ANKRD7: variants seen among roughly 807,000 people sequenced by gnomAD.
ANKRD7 encodes the protein ankyrin repeat domain-containing protein 7.
In ANKRD7, 30 loss-of-function variants were observed where a neutral mutation model predicts 30.8. That is an observed-to-expected ratio of 0.97 (90% CI 0.73 to 1.32). The LOEUF (loss-of-function observed/expected upper bound fraction) is 1.32, where lower values mean the gene tolerates loss of function less well. Among genes scored for constraint, ANKRD7 ranks in the 40% most tolerant of loss-of-function variants. The pLI, the probability that ANKRD7 is intolerant of heterozygous loss-of-function variation, is 0.00. For synonymous variants in ANKRD7, 97 were observed against 106.6 expected, an observed-to-expected ratio of 0.91 and a Z score of 0.55; for missense variants, 264 against 295.7, an observed-to-expected ratio of 0.89 and a Z score of 0.79.
intron 6 of ANKRD7, among the ~76,000 whole-genome samples, chr7:118,240,640 C>T (rs1248360646): frequency 6.6e-6 from 1 of 151,670 alleles, no homozygotes; most frequent in African/African-American, 2.4e-5. Context: ...TCATGTCTAG[C>T]TATAAAAAAC....
rs187708871 is a variant in ANKRD7 at position 118,230,553 on chromosome 7, T to G, written c.180-3878T>G. ...ATTGACTAGTCAAAATTCATAAAGTTGTACACTTTAATTTTATTATAAATT... is the reference window on the plus strand; with the variant it reads ...ATTGACTAGTCAAAATTCATAAAGTGGTACACTTTAATTTTATTATAAATT... On this transcript the variant is annotated intron_variant, in intron 1 of 6. Transcript: ENST00000265224. Among the ~76,000 whole-genome samples the G allele has an allele frequency of 4.8e-3, 736 of 152,156 alleles. 2 individuals are homozygous for G. Among genetic ancestry groups the G allele is most frequent in the Non-Finnish European group, 7.4e-3 (503 of 67,950 alleles).
intron 6 of ANKRD7, among the ~76,000 whole-genome samples, chr7:118,240,989 CTAAAAATACAAAAAATTAGCCGGGCG>C (rs1809825587): frequency 6.7e-6 from 1 of 149,786 alleles, no homozygotes; most frequent in Non-Finnish European, 1.5e-5. Flanking sequence ...CCCGTCTCTA[CTAAAAATACAAAAAATTAGCCGGGCG>C]CGGTGGCGGG....
intron 6 of ANKRD7, among the ~76,000 whole-genome samples, chr7:118,241,351 A>G (rs959173392): frequency 2.0e-5 from 3 of 151,450 alleles, no homozygotes; most frequent in Non-Finnish European, 2.9e-5. Context: ...GGAAGAAAAT[A>G]AAAAGGACAT....
chr7:118,231,929 G>A (rs1809646885), intron 1 of ANKRD7, among the ~76,000 whole-genome samples: 2 of 152,012 alleles, frequency 1.3e-5, no homozygotes, highest in Admixed American at 1.3e-4. Context: ...GAGTTAAGAA[G>A]TAACAATATA....
intron 1 of ANKRD7, among the ~76,000 whole-genome samples, chr7:118,233,459 T>C (rs973140411): frequency 6.6e-6 from 1 of 152,238 alleles, no homozygotes; most frequent in African/African-American, 2.4e-5. Flanking sequence ...TTTTGAACTG[T>C]TTTTATATTT....
chr7:118,229,197 A>G (rs550787479), intron 1 of ANKRD7, among the ~76,000 whole-genome samples: 3 of 151,840 alleles, frequency 2.0e-5, no homozygotes, highest in Non-Finnish European at 4.4e-5. Flanking sequence ...TCAGATAGTC[A>G]TATGACTTGC....
At position 118,234,836 on chromosome 7, in the gene ANKRD7, C is replaced by G; in HGVS notation, c.430C>G (p.Leu144Val). ...CGQSLSLVEKLLEYEADLEAK... is the reference protein window; with the variant it reads ...CGQSLSLVEKVLEYEADLEAK... ...TCAAAGTTTGTCATTAGTTGAAAAA[C>G]TGCTTGAATACGAAGCTGATCTTGA... Residue 144 changes from leucine (L) to valine (V), a missense_variant, in exon 3 of 7, where the codon CTG becomes GTG. Leu to Val is a conservative substitution (Grantham distance 32). Transcript: ENST00000265224. 6.2e-7 allele frequency: 1 copy of G among 1,610,506 alleles called. No individual in the cohort carries two copies. Among genetic ancestry groups the G allele is most frequent in the Non-Finnish European group, 8.5e-7 (1 of 1,179,178 alleles).
Position 118,236,080 on chromosome 7 carries a change from A to C in ANKRD7, c.508A>C (p.Asn170His), listed in dbSNP as rs1238783380. The C allele has an allele frequency of 1.2e-6, 2 of 1,607,308 alleles. No homozygotes were observed. The highest frequency in any genetic ancestry group is 1.7e-6 in the Non-Finnish European group (2 of 1,174,756). ...ACTATTAGTTGCCGTTATTAACAAT[A>C]ATCCAAAAATGGTAAAATTTCTTCT... ...TPLLVAVINN[N>H]PKMVKFLLEK... The change falls in exon 4 of 7, where the codon AAT becomes CAT. Residue 170 changes from asparagine (N) to histidine (H), a missense_variant. By Grantham distance (68) the Asn-to-His change is moderately conservative (BLOSUM62 1). Coordinates refer to ENST00000265224, the MANE Select transcript of ANKRD7 (RefSeq NM_019644.4).
At chr7:118,226,047 A>G (rs746335068) in intron 1 of ANKRD7, among the ~76,000 whole-genome samples, 9 of 152,220 alleles carry the variant, frequency 5.9e-5, no homozygotes, top group Admixed American at 1.3e-4. Context: ...ACAATCAGCT[A>G]TATGAACTCT....
At chr7:118,234,143 C>T (rs904919766) in intron 1 of ANKRD7, among the ~76,000 whole-genome samples, 3 of 152,020 alleles carry the variant, frequency 2.0e-5, no homozygotes, top group Non-Finnish European at 2.9e-5. Flanking sequence ...ATTATCTTTT[C>T]CAAGGCCCAG....
In ANKRD7 at chr7:118,236,654, G is replaced by A. The variant is rs139120849; in HGVS notation, c.576-136G>A. 8.0e-5 allele frequency: 74 copies of A among 925,138 alleles called. No individual in the cohort carries two copies. The African/African-American group carries it at 1.0e-3, about 13-fold the overall frequency. 57.3% of individuals were successfully genotyped at this position (925,138 alleles called of 1,614,324 possible). ...GCACACTTTTTTGAGCAGATCTGCT[G>A]TATTTTTTACATTGTTGCTTTGACT... On this transcript the variant is annotated intron_variant, in intron 4 of 6. Coordinates refer to ENST00000265224, the MANE Select transcript of ANKRD7 (RefSeq NM_019644.4).
At chr7:118,238,120 T>C (rs2116023038) in intron 5 of ANKRD7, among the ~76,000 whole-genome samples, 1 of 152,272 alleles carries the variant, frequency 6.6e-6, no homozygotes. Context: ...TATTGGATAG[T>C]TTGATGAGAA....
intron 1 of ANKRD7, chr7:118,227,839 A>G (rs1809570457): frequency 7.8e-7 from 1 of 1,281,080 alleles, no homozygotes; most frequent in Non-Finnish European, 1.0e-6. Flanking sequence ...CTTTCATCAC[A>G]GGTGGGTAAG....
intron 4 of ANKRD7, 112 bp from the exon 5 acceptor site, chr7:118,236,678 C>G (rs181158404): frequency 8.8e-7 from 1 of 1,141,050 alleles, no homozygotes; most frequent in Admixed American, 2.3e-5. Flanking sequence ...GTTGCTTTGA[C>G]TCTTTCTGAT....
Position 118,235,611 on chromosome 7 carries a change from C to CAA in ANKRD7, c.469-409_469-408dup, listed in dbSNP as rs776419798. ...TGGGCAACAGAGCAAGACTCTGTCTCAAAAAAAAAAAAAAAAAAAAAAGCG... is the reference window on the plus strand; with the variant it reads ...TGGGCAACAGAGCAAGACTCTGTCTCAAAAAAAAAAAAAAAAAAAAAAAAGCG... On this transcript the variant is annotated intron_variant, in intron 3 of 6. Transcript: ENST00000265224. Among the ~76,000 whole-genome samples, 240 of 47,248 alleles carry CAA rather than the reference C, an allele frequency of 5.1e-3. 2 individuals carry two copies. The highest frequency in any genetic ancestry group is 0.011 in the Middle Eastern group (1 of 90). The allele number at this position is 47,248 out of a possible 152,430, so 31.0% of individuals were successfully genotyped here. A position where few individuals can be genotyped will look rare whatever the true frequency, so the allele number is the denominator to read the frequency against.
intron 1 of ANKRD7, among the ~76,000 whole-genome samples, chr7:118,226,351 GGGTGGGGAGTCAACC>G (rs757778592): frequency 3.9e-5 from 6 of 152,140 alleles, no homozygotes; most frequent in Non-Finnish European, 8.8e-5. Flanking sequence ...GTAGGGGTTG[GGGTGGGGAGTCAACC>G]CCCTGTGAAG....
intron 1 of ANKRD7, among the ~76,000 whole-genome samples, chr7:118,227,312 G>A (rs941476236): frequency 6.6e-6 from 1 of 152,304 alleles, no homozygotes; most frequent in African/African-American, 2.4e-5. Flanking sequence ...TGTTTATGGG[G>A]AAGCTGGGGT....
intron 3 of ANKRD7, among the ~76,000 whole-genome samples, chr7:118,235,777 A>G (rs17141127): frequency 0.032 from 4,901 of 152,290 alleles, 134 homozygotes; most frequent in East Asian, 0.078. Context: ...TTAAATGCTA[A>G]GTGCTCATCA....
intron 1 of ANKRD7, among the ~76,000 whole-genome samples, chr7:118,231,284 G>A (rs1430195993): frequency 6.6e-6 from 1 of 152,076 alleles, no homozygotes; most frequent in African/African-American, 2.4e-5. Context: ...AGAGCAGTGT[G>A]CCTAATAAGT....
Sources: allele counts gnomAD v4.1 joint callset (sites outside exome capture counted in the v4.1 genomes callset), GRCh38; gene constraint gnomAD v4.1.1; transcripts MANE v1.5; gene names NCBI Gene and HGNC (gene_info 2026-07-23, HGNC 2026-07-21).